Variants in ADGRL4 observed in about 807,000 individuals in gnomAD.
ADGRL4 encodes adhesion G protein-coupled receptor L4.
In ADGRL4, 90 loss-of-function variants were observed where a neutral mutation model predicts 74.8. That is an observed-to-expected ratio of 1.20 (90% CI 1.02 to 1.43). The LOEUF is 1.43. Ranked by LOEUF, ADGRL4 falls within the 40% of genes most tolerant of loss-of-function variation. The pLI, the probability that ADGRL4 is intolerant of heterozygous loss-of-function variation, is 0.00. For missense variants in ADGRL4, 881 were observed against 814.3 expected (o/e 1.08, Z -1.00); for synonymous variants, 311 against 279.2 (o/e 1.11, Z -1.14).
intron 2 of ADGRL4, among the ~76,000 whole-genome samples, chr1:78,995,897 G>A (rs930211038): frequency 1.3e-5 from 2 of 152,158 alleles, no homozygotes; most frequent in Admixed American, 6.6e-5. Flanking sequence ...TTTATTATTA[G>A]AGAATCTAGT....
At chr1:78,948,079 G>A (rs949803467) in intron 2 of ADGRL4, among the ~76,000 whole-genome samples, 11 of 152,090 alleles carry the variant, frequency 7.2e-5, no homozygotes, top group African/African-American at 2.4e-4. Flanking sequence ...ATACCTAAGA[G>A]TTTTTTCTTT....
rs1259979982 is a variant in ADGRL4, at chr1:78,927,109, A to G, written c.878-18T>C. ...AACATTGCCTATCAATCAAATAAGT[A>G]TATTTAGTGAAATTCTTATAAAACA... On this transcript the variant is annotated intron_variant, in intron 7 of 14. Transcript: ENST00000370742. 1.4e-6 allele frequency: 2 copies of G among 1,470,738 alleles called. No homozygotes were observed. 91.1% of individuals were successfully genotyped at this position (1,470,738 alleles called of 1,614,324 possible). A position where few individuals can be genotyped will look rare whatever the true frequency, so the allele number is the denominator to read the frequency against.
intron 2 of ADGRL4, among the ~76,000 whole-genome samples, chr1:78,951,874 C>G (rs1207529460): frequency 1.3e-5 from 2 of 152,022 alleles, no homozygotes; most frequent in Non-Finnish European, 1.5e-5. Flanking sequence ...ACATAAAGAG[C>G]GAGCATATAA....
chr1:78,974,688 T>C (rs1422283747), intron 2 of ADGRL4, among the ~76,000 whole-genome samples: 1 of 152,190 alleles, frequency 6.6e-6, no homozygotes, highest in Non-Finnish European at 1.5e-5. Context: ...TATTGACTTT[T>C]CTGGCTTCTA....
At chr1:78,897,059 A>G (rs1370346079) in intron 12 of ADGRL4, among the ~76,000 whole-genome samples, 6 of 152,184 alleles carry the variant, frequency 3.9e-5, no homozygotes, top group African/African-American at 1.4e-4. Flanking sequence ...CTGAAACTCA[A>G]ATGATAAAAT....
At chr1:78,967,754 T>C (rs1205013163) in intron 2 of ADGRL4, among the ~76,000 whole-genome samples, 3 of 152,184 alleles carry the variant, frequency 2.0e-5, no homozygotes, top group African/African-American at 7.2e-5. Flanking sequence ...AAGTCATTAA[T>C]CTGCTCTTTG....
At chr1:78,979,154 T>G (rs1650351190) in intron 2 of ADGRL4, among the ~76,000 whole-genome samples, 1 of 151,954 alleles carries the variant, frequency 6.6e-6, no homozygotes, top group Admixed American at 6.6e-5. Context: ...ATGGTGAACC[T>G]AACCTTCAAA....
chr1:79,004,480 A>G lies in ADGRL4; in HGVS notation c.172+590T>C, dbSNP rs1650917978. On this transcript the variant is annotated intron_variant, in intron 2 of 14. Coordinates refer to ENST00000370742, the MANE Select transcript of ADGRL4 (RefSeq NM_022159.4). ...ATGGGCTAAACTGCACCCTACAAGG[A>G]TGCTTTGTGGCATTCTGTCTCTGGA... Among the ~76,000 whole-genome samples, 6 of 152,124 alleles carry G rather than the reference A, an allele frequency of 3.9e-5. No homozygotes were observed. The South Asian group carries it at 1.2e-3, about 32-fold the overall frequency.
intron 7 of ADGRL4, among the ~76,000 whole-genome samples, chr1:78,930,663 C>T (rs1430747241): frequency 6.6e-6 from 1 of 150,974 alleles, no homozygotes; most frequent in Non-Finnish European, 1.5e-5. Flanking sequence ...CCTGGCCAGG[C>T]TGTTCTTGAA....
rs571315298 is a variant in ADGRL4, at chr1:78,917,379, A to AT, written c.1749+254dup. Among the ~76,000 whole-genome samples, 59 of 151,072 alleles carry AT rather than the reference A, an allele frequency of 3.9e-4. 1 individual carries two copies. The East Asian group carries it at 0.01, about 26-fold the overall frequency. The stretch of plus-strand genomic sequence containing the variant: ...GCTTTGAATTTAAAAGCTATACATG[A>AT]TTTTTTTTATATTTAAAAAGTATTA... On this transcript the variant is annotated intron_variant, in intron 12 of 14. Coordinates refer to ENST00000370742, the MANE Select transcript of ADGRL4 (RefSeq NM_022159.4).
intron 2 of ADGRL4, among the ~76,000 whole-genome samples, chr1:78,965,283 G>C (rs1440334146): frequency 6.6e-6 from 1 of 151,928 alleles, no homozygotes; most frequent in African/African-American, 2.4e-5. Context: ...ATAAAATTTA[G>C]GCAAAAAACT....
chr1:78,928,227 A>G (rs1305825717), intron 7 of ADGRL4, among the ~76,000 whole-genome samples: 1 of 151,576 alleles, frequency 6.6e-6, no homozygotes, highest in Non-Finnish European at 1.5e-5. Context: ...TGTGAAGAAA[A>G]ATATTTATTT....
At chr1:78,928,361 C>T (rs1649161573) in intron 7 of ADGRL4, among the ~76,000 whole-genome samples, 1 of 151,396 alleles carries the variant, frequency 6.6e-6, no homozygotes, top group Admixed American at 6.6e-5. Flanking sequence ...TGAACTTCTT[C>T]AATTCCTATG....
At chr1:78,917,520 A>C (rs945405695) in intron 12 of ADGRL4, 114 bp downstream of exon 12, 2 of 589,098 alleles carry the variant, frequency 3.4e-6, no homozygotes, top group East Asian at 5.8e-5. Flanking sequence ...TAAGTGATAT[A>C]CTGTAAAATA....
At chr1:78,920,049 G>C (rs1648962941) in intron 10 of ADGRL4, 134 bp downstream of exon 10, 1 of 663,936 alleles carries the variant, frequency 1.5e-6, no homozygotes, top group South Asian at 2.5e-5. Flanking sequence ...ACTTAGAAAG[G>C]ATAGCTGAAG....
rs1211559804 is a variant in ADGRL4, at chr1:78,893,195, A to G, written c.1750-6T>C. ...CCAAAAGCCAAGAGATTAACCTGGA[A>G]AAAGAATTAATTTCAAAGAAGAGAT... On this transcript the variant is annotated splice_region_variant and splice_polypyrimidine_tract_variant and intron_variant, in intron 12 of 14. Coordinates refer to ENST00000370742, the MANE Select transcript of ADGRL4 (RefSeq NM_022159.4). 1.3e-6 allele frequency: 2 copies of G among 1,556,960 alleles called. No homozygotes were observed. The highest frequency in any genetic ancestry group is 4.5e-5 in the East Asian group (2 of 44,190).
intron 12 of ADGRL4, among the ~76,000 whole-genome samples, chr1:78,897,494 C>A (rs1214265840): frequency 2.0e-5 from 3 of 152,024 alleles, no homozygotes; most frequent in Non-Finnish European, 4.4e-5. Flanking sequence ...ATTCCATTAC[C>A]CTTAACTTGC....
At chr1:78,894,721 C>T (rs866866335) in intron 12 of ADGRL4, among the ~76,000 whole-genome samples, 38 of 151,772 alleles carry the variant, frequency 2.5e-4, no homozygotes, top group African/African-American at 8.9e-4. Context: ...TATGCCTACC[C>T]ATTATTGGTT....
At chr1:78,909,472 G>C (rs1240902947) in intron 12 of ADGRL4, among the ~76,000 whole-genome samples, 1 of 151,844 alleles carries the variant, frequency 6.6e-6, no homozygotes, top group Non-Finnish European at 1.5e-5. Flanking sequence ...CATCTAGTGA[G>C]TAGAGACCAG....
Sources: allele counts gnomAD v4.1 joint callset (sites outside exome capture counted in the v4.1 genomes callset), GRCh38; gene constraint gnomAD v4.1.1; transcripts MANE v1.5; gene names NCBI Gene and HGNC (gene_info 2026-07-23, HGNC 2026-07-21).